NIPAL2: variants seen among roughly 807,000 people sequenced by gnomAD.
NIPAL2 encodes the protein NIPA-like protein 2.
A neutral mutation model predicts 48.9 loss-of-function variants in NIPAL2; 43 were observed. The observed-to-expected ratio is 0.88, with a 90% CI of 0.69 to 1.13. NIPAL2 has a LOEUF of 1.13. NIPAL2 is among the 50% of genes most tolerant of loss of function. The pLI is 0.00. For synonymous variants in NIPAL2, 167 were observed against 174.6 expected (o/e 0.96, Z 0.34); for missense variants, 446 against 461.4 (o/e 0.97, Z 0.31).
At chr8:98,200,942 T>A (rs994058195) in intron 8 of NIPAL2, among the ~76,000 whole-genome samples, 1 of 152,250 alleles carries the variant, frequency 6.6e-6, no homozygotes, top group Non-Finnish European at 1.5e-5. Flanking sequence ...CTATTCAAGT[T>A]CTTTTCCCAT....
At chr8:98,256,479 A>T (rs1813899760) in intron 1 of NIPAL2, among the ~76,000 whole-genome samples, 1 of 152,230 alleles carries the variant, frequency 6.6e-6, no homozygotes, top group Admixed American at 6.5e-5. Flanking sequence ...TGATTAAAAA[A>T]TGGGCAAAGG....
chr8:98,266,974 A>T (rs1014873259), intron 1 of NIPAL2, among the ~76,000 whole-genome samples: 2 of 130,406 alleles, frequency 1.5e-5, no homozygotes, highest in Admixed American at 7.3e-5. Context: ...TGGTTCCTTT[A>T]AAAAAAAAAA....
At chr8:98,267,906 A>G (rs757148500) in intron 1 of NIPAL2, among the ~76,000 whole-genome samples, 2 of 152,202 alleles carry the variant, frequency 1.3e-5, no homozygotes, top group African/African-American at 2.4e-5. Context: ...CCATATACAC[A>G]TTCCCCACAA....
rs1284950729 is a variant in NIPAL2, at chr8:98,260,485, A to T, written c.136-6398T>A. Among the ~76,000 whole-genome samples, 5 of 152,332 alleles carry T rather than the reference A, an allele frequency of 3.3e-5. No individual in the cohort carries two copies. In the East Asian group the frequency reaches 9.7e-4, roughly 29 times the overall value. On this transcript the variant is annotated intron_variant, in intron 1 of 10. Coordinates refer to ENST00000430223, the MANE Select transcript of NIPAL2 (RefSeq NM_001321635.2). ...ACTTGGGAAGCGCAAGGGGTCAGGG[A>T]GTTCCCTTTCCGAGTCAAAGAAAGG... is the stretch of plus-strand genomic sequence containing the variant.
intron 1 of NIPAL2, among the ~76,000 whole-genome samples, chr8:98,288,741 T>C (rs1439970114): frequency 1.3e-5 from 2 of 152,188 alleles, no homozygotes; most frequent in Non-Finnish European, 2.9e-5. Context: ...TTCTAACTGG[T>C]GTGAGATGGT....
chr8:98,291,014 AG>A (rs1460004673), intron 1 of NIPAL2, among the ~76,000 whole-genome samples: 2 of 152,220 alleles, frequency 1.3e-5, no homozygotes, highest in African/African-American at 4.8e-5. Flanking sequence ...GGCTGGATTT[AG>A]TCCACAGCTG....
rs568067314 is a variant in NIPAL2, at chr8:98,203,975, C to T, written c.792-779G>A. Among the ~76,000 whole-genome samples the T allele has an allele frequency of 3.3e-5, 5 of 151,968 alleles. No individual in the cohort carries two copies. In the South Asian group the frequency reaches 1.0e-3, roughly 32 times the overall value. ...AAGCCAGGTCATATACATGCATGTA[C>T]ATATGTATGTACAAAAACCAGGTCA... On this transcript the variant is annotated intron_variant, in intron 7 of 10. Transcript: ENST00000430223.
intron 5 of NIPAL2, among the ~76,000 whole-genome samples, chr8:98,216,446 A>G: frequency 6.6e-6 from 1 of 152,250 alleles, no homozygotes; most frequent in Non-Finnish European, 1.5e-5. Context: ...CCTTGTGTGG[A>G]CACACAAGTG....
At chr8:98,260,311 G>T (rs917110242) in intron 1 of NIPAL2, among the ~76,000 whole-genome samples, 1 of 152,226 alleles carries the variant, frequency 6.6e-6, no homozygotes, top group Non-Finnish European at 1.5e-5. Context: ...CCGGTCTACA[G>T]CTCCCAGTGT....
intron 8 of NIPAL2, among the ~76,000 whole-genome samples, chr8:98,202,400 C>T (rs1157229823): frequency 6.6e-6 from 1 of 152,206 alleles, no homozygotes; most frequent in Admixed American, 6.6e-5. Flanking sequence ...TATCTGTCCC[C>T]TCCAAATCAT....
At chr8:98,240,222 G>T (rs1476771318) in intron 3 of NIPAL2, among the ~76,000 whole-genome samples, 1 of 152,124 alleles carries the variant, frequency 6.6e-6, no homozygotes, top group Non-Finnish European at 1.5e-5. Flanking sequence ...ACATGTTTGG[G>T]CAGAGACTCA....
intron 1 of NIPAL2, among the ~76,000 whole-genome samples, chr8:98,269,036 C>A (rs909641774): frequency 5.3e-5 from 8 of 152,234 alleles, no homozygotes; most frequent in African/African-American, 1.9e-4. Context: ...CTCCTCCATT[C>A]AAGTTTGATC....
intron 1 of NIPAL2, among the ~76,000 whole-genome samples, chr8:98,277,807 A>G (rs1815564217): frequency 6.6e-6 from 1 of 152,070 alleles, no homozygotes. Context: ...AGCATGTACT[A>G]TTTCTTTTTA....
chr8:98,251,875 A>G (rs990002452), intron 3 of NIPAL2: 1 of 152,158 alleles, frequency 6.6e-6, no homozygotes, highest in Non-Finnish European at 1.5e-5. Flanking sequence ...GGGCTTAGAG[A>G]ATTTGTTCTC....
intron 1 of NIPAL2, among the ~76,000 whole-genome samples, chr8:98,288,146 C>T (rs6994549): frequency 0.058 from 8,806 of 151,326 alleles, 652 homozygotes; most frequent in African/African-American, 0.17. Flanking sequence ...CCCACTAACT[C>T]GTCATCTAGC....
intron 1 of NIPAL2, among the ~76,000 whole-genome samples, chr8:98,293,785 G>C (rs1345221808): frequency 6.6e-6 from 1 of 152,226 alleles, no homozygotes; most frequent in Non-Finnish European, 1.5e-5. Context: ...TCCCAGTGCC[G>C]GGTGCCCGGG....
intron 3 of NIPAL2, among the ~76,000 whole-genome samples, chr8:98,250,988 C>G (rs896203902): frequency 6.6e-5 from 10 of 152,104 alleles, no homozygotes; most frequent in Admixed American, 5.9e-4. Context: ...AATCTCTGAT[C>G]TTTACAATAT....
chr8:98,243,756 T>A (rs968270142), intron 3 of NIPAL2, among the ~76,000 whole-genome samples: 2 of 152,138 alleles, frequency 1.3e-5, no homozygotes, highest in African/African-American at 4.8e-5. Context: ...CTGTTAGCAA[T>A]TTAGCTCAAG....
In NIPAL2 at chr8:98,250,510, A is replaced by G. The variant is rs140018296; in HGVS notation, c.376+1953T>C. ...AGCTCAGGACTGCCGTGGGAATACT[A>G]TTTATGAACATACATTACTGTGTGC... On this transcript the variant is annotated intron_variant, in intron 3 of 10. Transcript: ENST00000430223. Among the ~76,000 whole-genome samples the G allele has an allele frequency of 8.9e-3, 1,356 of 152,290 alleles. 25 individuals carry two copies. The highest frequency in any genetic ancestry group is 0.03 in the African/African-American group (1,237 of 41,558).
Sources: allele counts gnomAD v4.1 joint callset (sites outside exome capture counted in the v4.1 genomes callset), GRCh38; gene constraint gnomAD v4.1.1; transcripts MANE v1.5; gene names NCBI Gene and HGNC (gene_info 2026-07-23, HGNC 2026-07-21).